The following SOAT2 variants were observed in gnomAD, a reference collection of about 807,000 sequenced individuals.
SOAT2 encodes sterol O-acyltransferase 2, also known as ACAT-2.
Under a neutral mutation model 76.0 loss-of-function variants are expected in SOAT2, and 87 were observed. That is an observed-to-expected ratio of 1.14 (90% CI 0.96 to 1.37). SOAT2 has a LOEUF of 1.37. Ranked by LOEUF, SOAT2 falls within the 40% of genes most tolerant of loss-of-function variation. The pLI, the probability that SOAT2 is intolerant of heterozygous loss-of-function variation, is 0.00. For synonymous variants in SOAT2, 285 were observed against 275.4 expected, an observed-to-expected ratio of 1.03 and a Z score of -0.34; for missense variants, 686 against 682.1, an observed-to-expected ratio of 1.01 and a Z score of -0.06.
chr12:53,103,745 C>A, intron 1 of SOAT2, 86 bp downstream of exon 1: 2 of 1,110,800 alleles, frequency 1.8e-6, no homozygotes, highest in Non-Finnish European at 2.5e-6. Context: ...GCTCCAACTG[C>A]CTGATGCCAA....
intron 3 of SOAT2, 128 bp from the exon 4 acceptor site, chr12:53,105,433 C>A (rs926840765): frequency 8.3e-7 from 1 of 1,211,500 alleles, no homozygotes; most frequent in Admixed American, 2.1e-5. Context: ...TCTACCCGGT[C>A]CTGCCCTCTG....
rs1938241118 is a variant in SOAT2, at chr12:53,124,217, G to T, written c.*94G>T. On this transcript the variant is annotated 3_prime_UTR_variant, in exon 15 of 15. Coordinates refer to ENST00000301466, the MANE Select transcript of SOAT2 (RefSeq NM_003578.4). ...GACTCCTGTCTGCATTCCCAAATTT[G>T]GCTCTGAGTCGAGGCAACCTGCACA... The T allele has an allele frequency of 7.0e-7, 1 of 1,420,302 alleles. No individual in the cohort carries two copies. Among genetic ancestry groups the T allele is most frequent in the South Asian group, 1.2e-5 (1 of 86,526 alleles). The allele number at this position is 1,420,302 out of a possible 1,614,324, so 88.0% of individuals were successfully genotyped here. A position where few individuals can be genotyped will look rare whatever the true frequency, so the allele number is the denominator to read the frequency against.
At chr12:53,115,698 TG>T in intron 6 of SOAT2, 44 bp downstream of exon 6, 1 of 1,465,540 alleles carries the variant, frequency 6.8e-7, no homozygotes, top group Non-Finnish European at 9.0e-7. Context: ...AACCAGCTGG[TG>T]GGGCCATCTC....
Position 53,105,210 on chromosome 12 carries a change from C to T in SOAT2, c.242C>T (p.Pro81Leu), listed in dbSNP as rs747679253. The T allele has an allele frequency of 1.9e-6, 3 of 1,603,000 alleles. No homozygotes were observed. The highest frequency in any genetic ancestry group is 1.7e-5 in the Admixed American group (1 of 58,738). ...AIQSYPSQDK[P>L]LPPPPPGSLS... ...CAATCCTACCCATCACAAGACAAAC[C>T]TCTGCCCCCACCTCCCCCAGGTTCC... Residue 81 changes from proline (P) to leucine (L), a missense_variant, in exon 3 of 15, where the codon CCT becomes CTT. Pro to Leu is a moderately conservative substitution (Grantham distance 98). Transcript: ENST00000301466.
At chr12:53,113,520 C>T (rs1938056067) in intron 5 of SOAT2, among the ~76,000 whole-genome samples, 1 of 152,214 alleles carries the variant, frequency 6.6e-6, no homozygotes, top group Non-Finnish European at 1.5e-5. Flanking sequence ...CCCGGTCTCT[C>T]CTGGCTGGCT....
At chr12:53,121,607 T>C (rs540260315) in intron 12 of SOAT2, among the ~76,000 whole-genome samples, 135 of 152,214 alleles carry the variant, frequency 8.9e-4, no homozygotes, top group Non-Finnish European at 1.6e-3. Flanking sequence ...TCCATCTTTA[T>C]CCTTAATTCC....
chr12:53,105,559 A>C lies in SOAT2; in HGVS notation c.276-2A>C. The C allele has an allele frequency of 6.2e-7, 1 of 1,610,604 alleles. No homozygotes were observed. Among genetic ancestry groups the C allele is most frequent in the Non-Finnish European group, 8.5e-7 (1 of 1,177,950 alleles). ...TGACCCTGAACAAACATCTCAATTCAGGACCCAGGAGCCATCCCTGGGGAA... is the reference window on the plus strand; with the variant it reads ...TGACCCTGAACAAACATCTCAATTCCGGACCCAGGAGCCATCCCTGGGGAA... On this transcript the variant is annotated splice_acceptor_variant, in intron 3 of 14. Coordinates refer to ENST00000301466, the MANE Select transcript of SOAT2 (RefSeq NM_003578.4). LOFTEE classifies it high-confidence loss of function.
chr12:53,119,645 C>T (rs1439546043), intron 10 of SOAT2, among the ~76,000 whole-genome samples: 1 of 80,450 alleles, frequency 1.2e-5, no homozygotes, highest in Non-Finnish European at 2.2e-5. Context: ...CCCAGCCTAT[C>T]TGGGGGAAGA....
intron 2 of SOAT2, 26 bp downstream of exon 2, chr12:53,104,232 CA>C: frequency 6.4e-7 from 1 of 1,562,236 alleles, no homozygotes. Flanking sequence ...GGTCAGAGGT[CA>C]AGTGGACAGA....
rs1301526381 is a variant in SOAT2 at position 53,123,789 on chromosome 12, G to A, written c.1434G>A (p.Trp478Ter). 2 of 1,614,154 alleles carry A rather than the reference G, an allele frequency of 1.2e-6. No homozygotes were observed. Among genetic ancestry groups the A allele is most frequent in the Admixed American group, 3.3e-5 (2 of 60,012 alleles). Residue 478 changes from tryptophan (W) to a stop codon, truncating the protein, a stop_gained, in exon 14 of 15, where the codon TGG becomes TGA. Coordinates refer to ENST00000301466, the MANE Select transcript of SOAT2 (RefSeq NM_003578.4). LOFTEE classifies it high-confidence loss of function. ...RTGPAWNVLM[W>*]TMLFLGQGIQ... is the part of the protein sequence containing the mutation. ...GCCCGGCATGGAACGTGCTGATGTG[G>A]ACCATGCTGTTTCTAGGCCAGGGAA...
At chr12:53,106,805 ATAAC>A (rs1162806080) in intron 5 of SOAT2, among the ~76,000 whole-genome samples, 1 of 152,262 alleles carries the variant, frequency 6.6e-6, no homozygotes, top group Non-Finnish European at 1.5e-5. Context: ...CTTTTAATCT[ATAAC>A]TAAGGTCTGA....
At chr12:53,111,710 ATGC>A (rs1444018259) in intron 5 of SOAT2, among the ~76,000 whole-genome samples, 1 of 152,260 alleles carries the variant, frequency 6.6e-6, no homozygotes, top group African/African-American at 2.4e-5. Context: ...ACAAAAATGT[ATGC>A]TGGCAACTCT....
At chr12:53,104,329 T>C (rs995036619) in intron 2 of SOAT2, 123 bp downstream of exon 2, 60 of 690,124 alleles carry the variant, frequency 8.7e-5, no homozygotes, top group Non-Finnish European at 1.3e-4. Context: ...TCTCGCTCTG[T>C]TGCTCAGGCT....
At chr12:53,114,753 G>A (rs778284052) in intron 5 of SOAT2, among the ~76,000 whole-genome samples, 1 of 152,144 alleles carries the variant, frequency 6.6e-6, no homozygotes, top group Non-Finnish European at 1.5e-5. Flanking sequence ...TCCACCCAGA[G>A]CATTTTCCAT....
At chr12:53,117,820 A>G (rs1938130019) in intron 7 of SOAT2, among the ~76,000 whole-genome samples, 1 of 152,122 alleles carries the variant, frequency 6.6e-6, no homozygotes, top group African/African-American at 2.4e-5. Context: ...TGTGTGCTCT[A>G]TGCCTGTGCA....
intron 7 of SOAT2, 87 bp downstream of exon 7, chr12:53,116,253 C>A: frequency 7.9e-7 from 1 of 1,264,492 alleles, no homozygotes; most frequent in South Asian, 1.2e-5. Context: ...GATAAAAGTC[C>A]CTGCCTTCCT....
rs117925242 is a variant in SOAT2, at chr12:53,103,641, C to T, written c.64C>T (p.Arg22Cys). The change falls in exon 1 of 15, where the codon CGC becomes TGC. Residue 22 changes from arginine (R) to cysteine (C), a missense_variant. Arg to Cys is a radical substitution (Grantham distance 180, BLOSUM62 -3). Transcript: ENST00000301466. Reference protein sequence around the residue: ...RTEGLGGERERQPCGDGNTET... With the variant: ...RTEGLGGERECQPCGDGNTET... ...AGAAGGGCTGGGAGGGGAGCGGGAG[C>T]GCCAACCCTGTGGAGATGGTGAGCC... 4.5e-5 allele frequency: 70 copies of T among 1,539,416 alleles called. No individual in the cohort carries two copies. The highest frequency in any genetic ancestry group is 9.6e-5 in the African/African-American group (7 of 72,954).
At position 53,103,698 on chromosome 12, in the gene SOAT2, G is replaced by A. The variant is rs369679708; in HGVS notation, c.82+39G>A. ...GGGGGTGCAGAAGGCACAGGCAAGTGGGGGGGAGGCGGGGAGAGATGCGCT... is the reference window on the plus strand; with the variant it reads ...GGGGGTGCAGAAGGCACAGGCAAGTAGGGGGGAGGCGGGGAGAGATGCGCT... On this transcript the variant is annotated intron_variant, in intron 1 of 14. Coordinates refer to ENST00000301466, the MANE Select transcript of SOAT2 (RefSeq NM_003578.4). The A allele has an allele frequency of 1.4e-5, 20 of 1,426,134 alleles. 1 individual carries two copies. In the South Asian group the frequency reaches 1.9e-4, roughly 14 times the overall value. 88.3% of individuals were successfully genotyped at this position (1,426,134 alleles called of 1,614,324 possible).
rs57948071 is a variant in SOAT2, at chr12:53,122,447, G to T, written c.1237-634G>T. ...AAGGTCAGCAGATAAGTGAACAAAG[G>T]TCTCTGGTTTTCCTAGGCAGAGGAC... On this transcript the variant is annotated intron_variant, in intron 12 of 14. Transcript: ENST00000301466. Among the ~76,000 whole-genome samples the T allele has an allele frequency of 1.8e-3, 247 of 139,126 alleles. 3 individuals are homozygous for T. The highest frequency in any genetic ancestry group is 7.3e-3 in the African/African-American group (236 of 32,412). 91.3% of individuals were successfully genotyped at this position (139,126 alleles called of 152,430 possible). A position where few individuals can be genotyped will look rare whatever the true frequency, so the allele number is the denominator to read the frequency against.
Sources: allele counts gnomAD v4.1 joint callset (sites outside exome capture counted in the v4.1 genomes callset), GRCh38; gene constraint gnomAD v4.1.1; transcripts MANE v1.5; gene names NCBI Gene and HGNC (gene_info 2026-07-23, HGNC 2026-07-21).